The following ZC3H7B variants were observed in gnomAD, a reference collection of about 807,000 sequenced individuals.
The protein encoded by ZC3H7B is zinc finger CCCH-type containing 7B.
In ZC3H7B, 35 loss-of-function variants were observed where a neutral mutation model predicts 116.0. That is an observed-to-expected ratio of 0.30 (90% CI 0.23 to 0.40). The LOEUF is 0.40. Among genes scored for constraint, ZC3H7B ranks in the 10% least tolerant of loss-of-function variants. ZC3H7B has a pLI of 1.00. For missense variants in ZC3H7B, 1,011 were observed against 1,321.5 expected (o/e 0.77, Z 3.64); for synonymous variants, 502 against 545.6 (o/e 0.92, Z 1.11).
intron 6 of ZC3H7B, among the ~76,000 whole-genome samples, chr22:41,330,969 C>T (rs1367815055): frequency 2.1e-5 from 3 of 145,634 alleles, no homozygotes; most frequent in Non-Finnish European, 3.0e-5. Context: ...CCCGGGTTCA[C>T]GCCATTCTTC....
At chr22:41,344,323 TG>T (rs2036559372) in intron 13 of ZC3H7B, among the ~76,000 whole-genome samples, 1 of 152,180 alleles carries the variant, frequency 6.6e-6, no homozygotes, top group Non-Finnish European at 1.5e-5. Context: ...GCAGCCAGGC[TG>T]GTCTAAGGAC....
Position 41,327,416 on chromosome 22 carries a change from G to T in ZC3H7B, c.444+52G>T. On this transcript the variant is annotated intron_variant, in intron 5 of 22. Coordinates refer to ENST00000352645, the MANE Select transcript of ZC3H7B (RefSeq NM_017590.6). The surrounding 1 kb of genome is among the most constrained non-coding windows in gnomAD (Gnocchi z 4.5). ...GTGCCTGCTCAGAGGCCAGGCTTCTGACCTTCCGGCCCTCACTTGGGCCCA... is the reference window on the plus strand; with the variant it reads ...GTGCCTGCTCAGAGGCCAGGCTTCTTACCTTCCGGCCCTCACTTGGGCCCA... 6.3e-7 allele frequency: 1 copy of T among 1,587,814 alleles called. No homozygotes were observed. Among genetic ancestry groups the T allele is most frequent in the South Asian group, 1.1e-5 (1 of 89,944 alleles).
At chr22:41,316,404 T>G (rs918861030) in intron 1 of ZC3H7B, among the ~76,000 whole-genome samples, 1 of 150,256 alleles carries the variant, frequency 6.7e-6, no homozygotes, top group African/African-American at 2.5e-5. Flanking sequence ...CAAGCAATTC[T>G]CCAGCATCAC....
At chr22:41,310,918 C>G (rs1012848322) in intron 1 of ZC3H7B, among the ~76,000 whole-genome samples, 1 of 152,116 alleles carries the variant, frequency 6.6e-6, no homozygotes, top group East Asian at 1.9e-4. Context: ...GTGCCCGCCA[C>G]CACCCCCGGC....
chr22:41,305,670 C>T lies in ZC3H7B; in HGVS notation c.-7+3898C>T, dbSNP rs180758672. 2.3e-3 allele frequency among the ~76,000 whole-genome samples: 351 copies of T among 152,302 alleles called. 2 individuals are homozygous for T. The highest frequency in any genetic ancestry group is 8.7e-3 in the South Asian group (42 of 4,824). On this transcript the variant is annotated intron_variant, in intron 1 of 22. Transcript: ENST00000352645. ...GAAAGCACTCTCAGTAGGTTTCTAA[C>T]TGCAGAAAGCAGAATGGCAGTAGAA...
At chr22:41,311,685 G>C (rs552569029) in intron 1 of ZC3H7B, among the ~76,000 whole-genome samples, 1 of 152,092 alleles carries the variant, frequency 6.6e-6, no homozygotes, top group Non-Finnish European at 1.5e-5. Flanking sequence ...GGAAGAGATA[G>C]GCGAGTCGTT....
chr22:41,348,858 G>A (rs771408082), intron 15 of ZC3H7B, among the ~76,000 whole-genome samples: 6 of 152,234 alleles, frequency 3.9e-5, no homozygotes, highest in Non-Finnish European at 5.9e-5. Context: ...AAACCTGAGG[G>A]CGGTGCCCTT....
chr22:41,351,785 A>G lies in ZC3H7B; in HGVS notation c.2034+139A>G. 1 of 727,294 alleles carries G rather than the reference A, an allele frequency of 1.4e-6. No homozygotes were observed. The highest frequency in any genetic ancestry group is 2.3e-6 in the Non-Finnish European group (1 of 438,314). 45.1% of individuals were successfully genotyped at this position (727,294 alleles called of 1,614,324 possible). On this transcript the variant is annotated intron_variant, in intron 17 of 22. Coordinates refer to ENST00000352645, the MANE Select transcript of ZC3H7B (RefSeq NM_017590.6). This position sits in a 1 kb window ranked among gnomAD's most constrained non-coding sequence, Gnocchi z 5.1. ...ATAAGTTATGAAAGTAACTTGGATAATGTACACATTCAGCTGTTGTGTCTC... is the reference window on the plus strand; with the variant it reads ...ATAAGTTATGAAAGTAACTTGGATAGTGTACACATTCAGCTGTTGTGTCTC...
intron 1 of ZC3H7B, among the ~76,000 whole-genome samples, chr22:41,318,133 C>A (rs1159556546): frequency 6.6e-6 from 1 of 152,162 alleles, no homozygotes; most frequent in African/African-American, 2.4e-5. Context: ...TCTGCCCCGT[C>A]TACAAAACCT....
rs1300549388 is a variant in ZC3H7B at position 41,357,438 on chromosome 22, G to A, written c.*9G>A. 8 of 1,545,788 alleles carry A rather than the reference G, an allele frequency of 5.2e-6. No homozygotes were observed. The African/African-American group carries it at 1.1e-4, about 21-fold the overall frequency. On this transcript the variant is annotated 3_prime_UTR_variant, in exon 23 of 23. Coordinates refer to ENST00000352645, the MANE Select transcript of ZC3H7B (RefSeq NM_017590.6). This position sits in a 1 kb window ranked among gnomAD's most constrained non-coding sequence, Gnocchi z 5.4. Reference sequence around the variant, plus strand: ...CCACCACTGGGGAGTAGGGCCAGGTGTTGGCCGTGGGTGAAGTCCTGGGGT... The same window carrying A: ...CCACCACTGGGGAGTAGGGCCAGGTATTGGCCGTGGGTGAAGTCCTGGGGT...
At chr22:41,352,639 G>T (rs1331770324) in intron 17 of ZC3H7B, among the ~76,000 whole-genome samples, 1 of 152,072 alleles carries the variant, frequency 6.6e-6, no homozygotes, top group Non-Finnish European at 1.5e-5. Context: ...GCGGGCGCCT[G>T]TAGTCCCAGC....
rs144561891 is a variant in ZC3H7B at position 41,337,413 on chromosome 22, A to C, written c.583-900A>C. 3.0e-3 allele frequency among the ~76,000 whole-genome samples: 462 copies of C among 152,228 alleles called. 1 individual carries two copies. Among genetic ancestry groups the C allele is most frequent in the African/African-American group, 0.011 (436 of 41,520 alleles). On this transcript the variant is annotated intron_variant, in intron 7 of 22. Transcript: ENST00000352645. Reference sequence around the variant, plus strand: ...CACTTCACACATAGCAAGTCATTTCATCCTGATAGCCTTCCCCAGCGGTGA... The same window carrying C: ...CACTTCACACATAGCAAGTCATTTCCTCCTGATAGCCTTCCCCAGCGGTGA...
At chr22:41,321,874 C>T (rs1270393810) in intron 2 of ZC3H7B, among the ~76,000 whole-genome samples, 1 of 115,946 alleles carries the variant, frequency 8.6e-6, no homozygotes, top group African/African-American at 3.6e-5. Flanking sequence ...GAGTCTCGCT[C>T]TGTCGCCCAG....
In ZC3H7B at chr22:41,349,292, C is replaced by T; in HGVS notation, c.1939C>T (p.Gln647Ter). ...CGAGCTCAAGGTCTGGCTGCTGCAG[C>T]AGTACTCAGGTGAGGGGCAGGCGGT... ...FIELKVWLLQ[Q>*]YSGMTHEDIV... The change falls in exon 16 of 23, where the codon CAG becomes TAG. Residue 647 changes from glutamine to a stop codon, truncating the protein, a stop_gained. Transcript: ENST00000352645. LOFTEE classifies it high-confidence loss of function. This position sits in a 1 kb window ranked among gnomAD's most constrained non-coding sequence, Gnocchi z 4.9. 2 of 1,613,482 alleles carry T rather than the reference C, an allele frequency of 1.2e-6. No homozygotes were observed. Among genetic ancestry groups the T allele is most frequent in the South Asian group, 1.1e-5 (1 of 91,060 alleles).
chr22:41,340,967 TA>T, intron 10 of ZC3H7B, 120 bp from the exon 11 acceptor site: 1 of 880,616 alleles, frequency 1.1e-6, no homozygotes. Flanking sequence ...TCAGCAGGAG[TA>T]GGAGAGGATG....
intron 7 of ZC3H7B, chr22:41,336,416 C>G (rs1176816977): frequency 1.3e-5 from 2 of 152,228 alleles, no homozygotes; most frequent in Non-Finnish European, 2.9e-5. Context: ...ATAATCCCAG[C>G]ACTCTGGGAG....
intron 6 of ZC3H7B, 141 bp from the exon 7 acceptor site, chr22:41,332,030 C>G: frequency 1.2e-6 from 1 of 820,150 alleles, no homozygotes; most frequent in Non-Finnish European, 2.0e-6. Flanking sequence ...TGATTTCCGG[C>G]AGGCCTGGGG....
At position 41,355,739 on chromosome 22, in the gene ZC3H7B, C is replaced by A. The variant is rs1446463810; in HGVS notation, c.2169-18C>A. 6.2e-7 allele frequency: 1 copy of A among 1,613,870 alleles called. No homozygotes were observed. The highest frequency in any genetic ancestry group is 1.3e-5 in the African/African-American group (1 of 75,066). ...AGGCTGTGCCCTGACCTCTCCCCAACCCTGCTCTGTCCTGCAGCTGGACCA... is the reference window on the plus strand; with the variant it reads ...AGGCTGTGCCCTGACCTCTCCCCAAACCTGCTCTGTCCTGCAGCTGGACCA... On this transcript the variant is annotated intron_variant, in intron 18 of 22. Transcript: ENST00000352645.
chr22:41,342,539 G>A lies in ZC3H7B; in HGVS notation c.1208G>A (p.Cys403Tyr). The change falls in exon 12 of 23, where the codon TGC becomes TAC. Residue 403 changes from cysteine to tyrosine, a missense_variant. By Grantham distance (194) the Cys-to-Tyr change is radical. Around this residue, in one of 5 missense-constraint regions of ZC3H7B, gnomAD observed 99 missense variants for 89.5 expected, o/e 1.11. Coordinates refer to ENST00000352645, the MANE Select transcript of ZC3H7B (RefSeq NM_017590.6). ...AQKPAPSPEP[C>Y]MPNTALLIKN... Reference sequence around the variant, plus strand: ...TTCCTCCTGTCACAGCCAGAGCCCTGCATGCCCAACACTGCCTTGCTCATC... The same window carrying A: ...TTCCTCCTGTCACAGCCAGAGCCCTACATGCCCAACACTGCCTTGCTCATC... 3.7e-6 allele frequency: 6 copies of A among 1,613,028 alleles called. No individual in the cohort carries two copies. Among genetic ancestry groups the A allele is most frequent in the South Asian group, 1.1e-5 (1 of 91,082 alleles).
Sources: allele counts gnomAD v4.1 joint callset (sites outside exome capture counted in the v4.1 genomes callset), GRCh38; gene constraint gnomAD v4.1.1; regional missense constraint gnomAD v4.1.1; non-coding constraint Gnocchi (gnomAD v3.1); transcripts MANE v1.5; gene names NCBI Gene and HGNC (gene_info 2026-07-23, HGNC 2026-07-21).